PSME4: variants seen among roughly 807,000 people sequenced by gnomAD.
PSME4 encodes the protein proteasome activator complex subunit 4.
Under a neutral mutation model 253.9 loss-of-function variants are expected in PSME4, and 89 were observed. The ratio of observed to expected loss-of-function variants is 0.35; its 90% confidence interval spans 0.30 to 0.42. The LOEUF (loss-of-function observed/expected upper bound fraction) is 0.42. Among genes scored for constraint, PSME4 ranks in the 10% least tolerant of loss-of-function variants. The pLI is 1.00. For synonymous variants in PSME4, 851 were observed against 759.2 expected (o/e 1.12, Z -1.99); for missense variants, 2,014 against 2,195.2 (o/e 0.92, Z 1.65).
chr2:53,932,224 G>C, intron 9 of PSME4, 124 bp from the exon 10 acceptor site: 1 of 815,694 alleles, frequency 1.2e-6, no homozygotes, highest in Non-Finnish European at 1.9e-6. Context: ...TTATTACAAA[G>C]AACTGCACAG....
chr2:53,900,760 T>C (rs1477161372), intron 28 of PSME4, among the ~76,000 whole-genome samples: 2 of 151,990 alleles, frequency 1.3e-5, no homozygotes, highest in African/African-American at 4.8e-5. Flanking sequence ...AGAACAGTGG[T>C]TTTTAAACCA....
At chr2:53,914,500 G>C (rs7599335) in intron 20 of PSME4, among the ~76,000 whole-genome samples, 19,276 of 152,102 alleles carry the variant, frequency 0.13, 2,126 homozygotes, top group African/African-American at 0.3. Context: ...GTTTTCAATA[G>C]TACGAAATAA....
At chr2:53,876,713 A>ATTTTTTTTTTTTTTTTTTTTTTTTTTTTT (rs1224675454) in intron 41 of PSME4, among the ~76,000 whole-genome samples, 1 of 77,200 alleles carries the variant, frequency 1.3e-5, no homozygotes, top group Non-Finnish European at 2.6e-5. Context: ...AGCCACTGTC[A>ATTTTTTTTTTTTTTTTTTTTTTTTTTTTT]TTCTTTTTTT....
chr2:53,901,256 A>C, intron 28 of PSME4, 94 bp downstream of exon 28: 1 of 1,167,282 alleles, frequency 8.6e-7, no homozygotes. Flanking sequence ...AATGCCAAGA[A>C]TATTATTACT....
In PSME4 at chr2:53,897,900, A is replaced by T. The variant is rs1292192569; in HGVS notation, c.3576T>A (p.Asn1192Lys). 1 of 1,613,774 alleles carries T rather than the reference A, an allele frequency of 6.2e-7. No individual in the cohort carries two copies. The highest frequency in any genetic ancestry group is 8.5e-7 in the Non-Finnish European group (1 of 1,179,752). Residue 1192 changes from asparagine to lysine, a missense_variant, in exon 31 of 47, where the codon AAT becomes AAA. By Grantham distance (94) the Asn-to-Lys change is moderately conservative. Around this residue, in one of 4 missense-constraint regions of PSME4, gnomAD observed 989 missense variants for 1,021.1 expected, o/e 0.97. Coordinates refer to ENST00000404125, the MANE Select transcript of PSME4 (RefSeq NM_014614.3). ...PLRAIRFFVE[N>K]LNHDAIVVRK... ...GAACTACAATTGCATCATGGTTGAGATTCTCAACAAAAAACCGTATGGCAC... is the reference window on the plus strand; with the variant it reads ...GAACTACAATTGCATCATGGTTGAGTTTCTCAACAAAAAACCGTATGGCAC...
Position 53,932,703 on chromosome 2 carries a change from A to C in PSME4, c.1015T>G (p.Ser339Ala). ...HLAGLFNSIT[S>A]FYHPSNNGRW... ...CCATTATTTGAAGGATGGTAAAAAG[A>C]TGTGATGCTGTTAAACAAACCAGCT... The change falls in exon 9 of 47, where the codon TCT becomes GCT. Residue 339 changes from serine (S) to alanine (A), a missense_variant. Ser to Ala is a moderately conservative substitution (Grantham distance 99). Transcript: ENST00000404125. 6.2e-7 allele frequency: 1 copy of C among 1,613,988 alleles called. No homozygotes were observed. The highest frequency in any genetic ancestry group is 1.3e-5 in the African/African-American group (1 of 75,050).
intron 27 of PSME4, 22 bp from the exon 28 acceptor site, chr2:53,901,581 T>C (rs755219973): frequency 2.6e-6 from 4 of 1,565,360 alleles, no homozygotes; most frequent in Non-Finnish European, 8.8e-7. Context: ...AAAATATATA[T>C]ATGTTTACAT....
intron 20 of PSME4, among the ~76,000 whole-genome samples, chr2:53,911,612 G>A (rs1220348930): frequency 6.6e-6 from 1 of 151,804 alleles, no homozygotes. Context: ...TGTTAGAGCA[G>A]GGGAAGTGCT....
chr2:53,924,468 G>C (rs1325639726), intron 14 of PSME4, among the ~76,000 whole-genome samples: 1 of 152,174 alleles, frequency 6.6e-6, no homozygotes, highest in African/African-American at 2.4e-5. Context: ...TATTGAATTA[G>C]TGAATGCTTA....
chr2:53,924,002 G>A (rs1481559935), intron 14 of PSME4, among the ~76,000 whole-genome samples: 2 of 151,284 alleles, frequency 1.3e-5, no homozygotes, highest in Non-Finnish European at 2.9e-5. Flanking sequence ...TATACCTGGT[G>A]GAAGCAAATG....
At chr2:53,876,858 C>T (rs1166948011) in intron 41 of PSME4, among the ~76,000 whole-genome samples, 1 of 151,102 alleles carries the variant, frequency 6.6e-6, no homozygotes, top group Non-Finnish European at 1.5e-5. Context: ...GCTGGGACCA[C>T]AGGCACGCAC....
Position 53,923,094 on chromosome 2 carries a change from G to A in PSME4, c.1933C>T (p.Leu645Phe), listed in dbSNP as rs144234204. 5 of 1,608,044 alleles carry A rather than the reference G, an allele frequency of 3.1e-6. No homozygotes were observed. The African/African-American group carries it at 6.7e-5, about 22-fold the overall frequency. ...ACACTGCAGCAGTGGGGAACAAAGAGCTTCAAAGATTCTTCTGGGCAGCAC... is the reference window on the plus strand; with the variant it reads ...ACACTGCAGCAGTGGGGAACAAAGAACTTCAAAGATTCTTCTGGGCAGCAC... The part of the protein sequence containing the change: ...VKCCPEESLK[L>F]FVPHCCSVIT... Residue 645 changes from leucine to phenylalanine, a missense_variant, in exon 16 of 47, where the codon CTC becomes TTC. Around this residue, in one of 4 missense-constraint regions of PSME4, gnomAD observed 989 missense variants for 1,021.1 expected, o/e 0.97. Transcript: ENST00000404125.
chr2:53,873,247 A>AAAAAAAAAAAAAAAC (rs1678976492), intron 43 of PSME4, among the ~76,000 whole-genome samples: 1 of 149,686 alleles, frequency 6.7e-6, no homozygotes, highest in African/African-American at 2.4e-5. Flanking sequence ...TCAAAAAAAA[A>AAAAAAAAAAAAAAAC]GAAAAAAAAA....
At chr2:53,872,561 C>T (rs1208117211) in intron 43 of PSME4, among the ~76,000 whole-genome samples, 2 of 151,398 alleles carry the variant, frequency 1.3e-5, no homozygotes, top group African/African-American at 4.8e-5. Flanking sequence ...GGCAGTATGG[C>T]AAAACCTTGC....
At chr2:53,912,781 A>T (rs903231883) in intron 20 of PSME4, among the ~76,000 whole-genome samples, 4 of 152,192 alleles carry the variant, frequency 2.6e-5, no homozygotes, top group Non-Finnish European at 5.9e-5. Context: ...TGACCTTTAG[A>T]AGATTTTTTA....
intron 27 of PSME4, 53 bp downstream of exon 27, chr2:53,903,972 C>T: frequency 1.4e-6 from 2 of 1,463,062 alleles, no homozygotes; most frequent in East Asian, 4.6e-5. Flanking sequence ...ATTTTTTCAG[C>T]TTTTCAGTAT....
chr2:53,900,610 A>G (rs1454792957), intron 28 of PSME4, among the ~76,000 whole-genome samples: 1 of 152,214 alleles, frequency 6.6e-6, no homozygotes, highest in Non-Finnish European at 1.5e-5. Context: ...TACTGTGCAT[A>G]TAACATGTCC....
chr2:53,936,884 A>G, intron 5 of PSME4, 57 bp from the exon 6 acceptor site: 2 of 1,193,894 alleles, frequency 1.7e-6, no homozygotes, highest in Middle Eastern at 2.0e-4. Flanking sequence ...GTTCAATGCC[A>G]GCTATGCTTT....
At chr2:53,966,826 A>C (rs1670761023) in intron 1 of PSME4, among the ~76,000 whole-genome samples, 1 of 151,970 alleles carries the variant, frequency 6.6e-6, no homozygotes, top group Admixed American at 6.6e-5. Flanking sequence ...CAGCCTCCTG[A>C]GTAGCTGGGA....
Sources: gnomAD v4.1 joint callset for allele counts (sites outside exome capture counted in the v4.1 genomes callset) on GRCh38, gnomAD v4.1.1 for gene constraint, gnomAD v4.1.1 regional missense constraint, MANE v1.5 for transcripts, NCBI Gene and HGNC (gene_info 2026-07-23, HGNC 2026-07-21) for gene names.